RNGTT: variants seen among roughly 807,000 people sequenced by gnomAD.
The protein encoded by RNGTT is mRNA-capping enzyme.
In RNGTT, 33 loss-of-function variants were observed where a neutral mutation model predicts 79.3. That is an observed-to-expected ratio of 0.42 (90% CI 0.32 to 0.56). The LOEUF is 0.56. Ranked by LOEUF, RNGTT falls within the 20% of genes least tolerant of loss-of-function variation. The pLI is 0.17. For synonymous variants in RNGTT, 222 were observed against 235.9 expected (o/e 0.94, Z 0.54); for missense variants, 497 against 739.1 (o/e 0.67, Z 3.80).
chr6:88,890,148 T>C (rs1782994450), intron 8 of RNGTT, among the ~76,000 whole-genome samples: 1 of 152,168 alleles, frequency 6.6e-6, no homozygotes, highest in Non-Finnish European at 1.5e-5. Flanking sequence ...TGGCAATTTA[T>C]CTATTAACCT....
In RNGTT at chr6:88,925,465, C is replaced by T. The variant is rs372922430; in HGVS notation, c.367+3520G>A. Among the ~76,000 whole-genome samples the T allele has an allele frequency of 4.0e-5, 6 of 151,898 alleles. No homozygotes were observed. The South Asian group carries it at 6.2e-4, about 16-fold the overall frequency. On this transcript the variant is annotated intron_variant, in intron 4 of 15. Transcript: ENST00000369485. ...AATTAGCAGGGTGTGGTGGTGCGCA[C>T]GCCTATGGTCCCAGCTACTCGGGAG...
chr6:88,747,412 T>C (rs550887738), intron 13 of RNGTT, among the ~76,000 whole-genome samples: 8 of 152,314 alleles, frequency 5.3e-5, no homozygotes, highest in African/African-American at 1.9e-4. Flanking sequence ...CGCTTTAATC[T>C]AGGAAGCAGA....
At position 88,890,516 on chromosome 6, in the gene RNGTT, C is replaced by A. The variant is rs1783012170; in HGVS notation, c.875G>T (p.Ser292Ile). 1 of 1,612,794 alleles carries A rather than the reference C, an allele frequency of 6.2e-7. No homozygotes were observed. Among genetic ancestry groups the A allele is most frequent in the East Asian group, 2.2e-5 (1 of 44,814 alleles). The change falls in exon 8 of 16, where the codon AGC (serine) becomes ATC (isoleucine). Residue 292 changes from serine (S) to isoleucine (I), a missense_variant. By Grantham distance (142) the Ser-to-Ile change is moderately radical. Around this residue, in one of 3 missense-constraint regions of RNGTT, gnomAD observed 440 missense variants for 671.5 expected, o/e 0.66. Coordinates refer to ENST00000369485, the MANE Select transcript of RNGTT (RefSeq NM_003800.5). Reference sequence around the variant, plus strand: ...TTACCGAGTACCATCTGCTTTCCAGCTTACTTTGTATGGCTTCAGGTCTAA... The same window carrying A: ...TTACCGAGTACCATCTGCTTTCCAGATTACTTTGTATGGCTTCAGGTCTAA... ...KLLDLKPYKV[S>I]WKADGTRYMM...
At chr6:88,761,263 G>A (rs1034094223) in intron 13 of RNGTT, among the ~76,000 whole-genome samples, 6 of 151,974 alleles carry the variant, frequency 3.9e-5, no homozygotes, top group Non-Finnish European at 8.8e-5. Flanking sequence ...GCCGAGGCAC[G>A]TGGATCACTT....
intron 11 of RNGTT, among the ~76,000 whole-genome samples, chr6:88,834,569 T>C (rs767490319): frequency 3.3e-5 from 5 of 152,200 alleles, no homozygotes; most frequent in African/African-American, 4.8e-5. Context: ...AAAATCTCTA[T>C]GTGTGAACAA....
At chr6:88,948,638 A>T (rs1276089326) in intron 1 of RNGTT, among the ~76,000 whole-genome samples, 3 of 142,648 alleles carry the variant, frequency 2.1e-5, no homozygotes, top group Non-Finnish European at 4.7e-5. Context: ...AGAACGGGCC[A>T]GGATGACAAT....
chr6:88,629,127 G>C (rs980360976), intron 14 of RNGTT, among the ~76,000 whole-genome samples: 3 of 152,138 alleles, frequency 2.0e-5, no homozygotes, highest in South Asian at 4.1e-4. Context: ...TCTCAAAAGT[G>C]GGTAGGGAAA....
At chr6:88,665,246 C>T (rs1358420515) in intron 14 of RNGTT, among the ~76,000 whole-genome samples, 3 of 152,126 alleles carry the variant, frequency 2.0e-5, no homozygotes, top group Admixed American at 2.0e-4. Flanking sequence ...CAGAAGACAA[C>T]CCTCCTGGAT....
intron 8 of RNGTT, among the ~76,000 whole-genome samples, chr6:88,871,432 A>C (rs1468526316): frequency 1.3e-5 from 2 of 152,106 alleles, no homozygotes; most frequent in Non-Finnish European, 2.9e-5. Context: ...TGACACTCTT[A>C]ACCTCAAGAG....
intron 12 of RNGTT, among the ~76,000 whole-genome samples, chr6:88,790,463 G>A (rs1325039046): frequency 6.6e-6 from 1 of 152,140 alleles, no homozygotes; most frequent in Non-Finnish European, 1.5e-5. Context: ...AAACTGCAAG[G>A]TTAAGTGAAA....
chr6:88,616,524 T>TAAAA (rs914177289), intron 14 of RNGTT, among the ~76,000 whole-genome samples: 4 of 151,774 alleles, frequency 2.6e-5, no homozygotes, highest in African/African-American at 9.7e-5. Context: ...CTTTTTTTTT[T>TAAAA]AAAAAAAATT....
chr6:88,884,718 A>G lies in RNGTT; in HGVS notation c.896+5777T>C, dbSNP rs561406369. On this transcript the variant is annotated intron_variant, in intron 8 of 15. Transcript: ENST00000369485. Reference sequence around the variant, plus strand: ...ACAAATGAAACTAATTGTATTACAAATGAAAACTATCTACACTAAAGGGTT... The same window carrying G: ...ACAAATGAAACTAATTGTATTACAAGTGAAAACTATCTACACTAAAGGGTT... Among the ~76,000 whole-genome samples the G allele has an allele frequency of 1.2e-3, 184 of 152,338 alleles. 4 individuals are homozygous for G. The highest frequency in any genetic ancestry group is 4.2e-3 in the African/African-American group (175 of 41,596).
intron 14 of RNGTT, among the ~76,000 whole-genome samples, chr6:88,634,323 A>C (rs1403722004): frequency 6.6e-6 from 1 of 152,192 alleles, no homozygotes; most frequent in Non-Finnish European, 1.5e-5. Context: ...CCAGTCTAAA[A>C]TGAGCCTAAA....
At chr6:88,642,259 T>C (rs1317342408) in intron 14 of RNGTT, among the ~76,000 whole-genome samples, 1 of 152,172 alleles carries the variant, frequency 6.6e-6, no homozygotes, top group African/African-American at 2.4e-5. Flanking sequence ...AGGCAGTAAC[T>C]GACTTAAGGA....
In RNGTT at chr6:88,875,885, T is replaced by C. The variant is rs144476852; in HGVS notation, c.896+14610A>G. Among the ~76,000 whole-genome samples the C allele has an allele frequency of 4.9e-3, 754 of 152,326 alleles. 5 individuals are homozygous for C. The highest frequency in any genetic ancestry group is 0.017 in the African/African-American group (698 of 41,572). On this transcript the variant is annotated intron_variant, in intron 8 of 15. Coordinates refer to ENST00000369485, the MANE Select transcript of RNGTT (RefSeq NM_003800.5). ...AATCTTTTAAGAAAAAAATTCATTT[T>C]CCAATTGTCAACTTGGCTACATTAC...
At chr6:88,784,536 T>C (rs938251972) in intron 12 of RNGTT, among the ~76,000 whole-genome samples, 6 of 152,118 alleles carry the variant, frequency 3.9e-5, no homozygotes, top group African/African-American at 4.8e-5. Context: ...ATAGCATGTA[T>C]AAATACATAT....
intron 4 of RNGTT, among the ~76,000 whole-genome samples, chr6:88,916,378 G>A (rs1400268445): frequency 1.4e-4 from 22 of 152,184 alleles, no homozygotes; most frequent in Admixed American, 1.4e-3. Flanking sequence ...GAGGCTGAGA[G>A]GAGAGGATCG....
intron 13 of RNGTT, among the ~76,000 whole-genome samples, chr6:88,748,439 C>T (rs1351431845): frequency 1.3e-5 from 2 of 151,992 alleles, no homozygotes; most frequent in Non-Finnish European, 2.9e-5. Context: ...CTAACTCCCT[C>T]ACTTTCTTCA....
intron 13 of RNGTT, among the ~76,000 whole-genome samples, chr6:88,684,715 T>C (rs1034166102): frequency 6.6e-6 from 1 of 152,286 alleles, no homozygotes; most frequent in Admixed American, 6.5e-5. Flanking sequence ...TAATGCTAGA[T>C]ATATGTCATT....
Sources: gnomAD v4.1 joint callset for allele counts (sites outside exome capture counted in the v4.1 genomes callset) on GRCh38, gnomAD v4.1.1 for gene constraint, gnomAD v4.1.1 regional missense constraint, MANE v1.5 for transcripts, NCBI Gene and HGNC (gene_info 2026-07-23, HGNC 2026-07-21) for gene names.